HEMK2: variants seen among roughly 807,000 people sequenced by gnomAD.
HEMK2 encodes methyltransferase HEMK2.
the HEMK2 span, among the ~76,000 whole-genome samples, chr21:28,750,595 G>A: frequency 1.3e-5 from 2 of 151,610 alleles, no homozygotes; most frequent in African/African-American, 4.9e-5. Context: ...CAGCTACTCA[G>A]GAGGCTGAGG....
chr21:28,699,738 G>T, the HEMK2 span, among the ~76,000 whole-genome samples: 1 of 152,184 alleles, frequency 6.6e-6, no homozygotes, highest in Non-Finnish European at 1.5e-5. Flanking sequence ...GAAAAAGTTT[G>T]CAAGCACAAA....
chr21:28,690,918 T>C, the HEMK2 span, among the ~76,000 whole-genome samples: 11 of 152,168 alleles, frequency 7.2e-5, no homozygotes, highest in East Asian at 3.9e-4. Flanking sequence ...ATTTTGTTGA[T>C]TGATATTCAC....
chr21:28,853,303 C>T, the HEMK2 span, among the ~76,000 whole-genome samples: 1 of 152,184 alleles, frequency 6.6e-6, no homozygotes, highest in African/African-American at 2.4e-5. Flanking sequence ...GCTAACCAAG[C>T]AAATAAACTA....
chr21:28,822,294 T>C, the HEMK2 span, among the ~76,000 whole-genome samples: 1 of 152,178 alleles, frequency 6.6e-6, no homozygotes, highest in East Asian at 1.9e-4. Context: ...AATGATATCA[T>C]TCCAAATTGA....
the HEMK2 span, among the ~76,000 whole-genome samples, chr21:28,736,072 G>C: frequency 1.3e-5 from 2 of 152,214 alleles, no homozygotes; most frequent in Non-Finnish European, 2.9e-5. Context: ...CACATTACAA[G>C]GAGGGTAGAC....
the HEMK2 span, among the ~76,000 whole-genome samples, chr21:28,650,913 C>T: frequency 0.33 from 50,571 of 151,622 alleles, 9,661 homozygotes; most frequent in African/African-American, 0.52. Context: ...AATGGAGAGA[C>T]GACAAAAAAG....
chr21:28,780,494 A>T, the HEMK2 span, among the ~76,000 whole-genome samples: 1 of 139,284 alleles, frequency 7.2e-6, no homozygotes, highest in East Asian at 2.2e-4. Context: ...GGTATTTTTA[A>T]TAGAGACGGG....
chr21:28,591,535 G>A, the HEMK2 span, among the ~76,000 whole-genome samples: 14 of 152,288 alleles, frequency 9.2e-5, no homozygotes, highest in African/African-American at 1.9e-4. Flanking sequence ...AACAAGCTGC[G>A]TATCTAATAA....
At chr21:28,765,590 TGCCTTTTTGAAATACA>T in the HEMK2 span, among the ~76,000 whole-genome samples, 1 of 152,224 alleles carries the variant, frequency 6.6e-6, no homozygotes, top group Non-Finnish European at 1.5e-5. Flanking sequence ...GATTTGTCAT[TGCCTTTTTGAAATACA>T]GGCTACCAAA....
the HEMK2 span, among the ~76,000 whole-genome samples, chr21:28,688,592 A>G: frequency 6.6e-6 from 1 of 151,980 alleles, no homozygotes; most frequent in African/African-American, 2.4e-5. Context: ...GGTTCTCAAT[A>G]AATGTTGTTG....
the HEMK2 span, among the ~76,000 whole-genome samples, chr21:28,596,714 C>T: frequency 3.5e-4 from 53 of 152,046 alleles, no homozygotes; most frequent in Non-Finnish European, 7.1e-4. Context: ...TAGCTAGAGT[C>T]TGTAAAAGAT....
At chr21:28,646,395 C>G in the HEMK2 span, among the ~76,000 whole-genome samples, 1 of 152,194 alleles carries the variant, frequency 6.6e-6, no homozygotes, top group Non-Finnish European at 1.5e-5. Flanking sequence ...GAGGGGACAA[C>G]TGCCTCTTTC....
the HEMK2 span, among the ~76,000 whole-genome samples, chr21:28,698,184 A>G: frequency 2.0e-5 from 3 of 152,226 alleles, no homozygotes; most frequent in Admixed American, 6.5e-5. Flanking sequence ...GATTCAGACC[A>G]TAGCACATCA....
chr21:28,754,502 C>T, the HEMK2 span, among the ~76,000 whole-genome samples: 2 of 152,178 alleles, frequency 1.3e-5, no homozygotes, highest in African/African-American at 4.8e-5. Context: ...ATTCTGATGC[C>T]TTTTAGCATG....
the HEMK2 span, among the ~76,000 whole-genome samples, chr21:28,692,819 A>T: frequency 6.6e-6 from 1 of 152,186 alleles, no homozygotes; most frequent in African/African-American, 2.4e-5. Context: ...ATTATTCTAC[A>T]ATAAAATGGA....
the HEMK2 span, among the ~76,000 whole-genome samples, chr21:28,620,952 T>A: frequency 6.6e-6 from 1 of 152,022 alleles, no homozygotes; most frequent in Non-Finnish European, 1.5e-5. Context: ...GATACAGGCA[T>A]GAGCCACCGC....
chr21:28,785,302 C>T, the HEMK2 span, among the ~76,000 whole-genome samples: 1 of 152,188 alleles, frequency 6.6e-6, no homozygotes, highest in Non-Finnish European at 1.5e-5. Flanking sequence ...TTCAGATTTT[C>T]TGATTTCAAA....
the HEMK2 span, among the ~76,000 whole-genome samples, chr21:28,859,555 T>A: frequency 6.6e-6 from 1 of 152,226 alleles, no homozygotes; most frequent in Admixed American, 6.5e-5. Flanking sequence ...CAGCCATTCT[T>A]CTGCTCTTCT....
the HEMK2 span, among the ~76,000 whole-genome samples, chr21:28,652,278 T>C: frequency 6.6e-6 from 1 of 152,218 alleles, no homozygotes; most frequent in Admixed American, 6.5e-5. Flanking sequence ...ACTGGGGAAA[T>C]CCCGATTAGC....
Sources: gnomAD v4.1 joint callset for allele counts (sites outside exome capture counted in the v4.1 genomes callset) on GRCh38, gnomAD v4.1.1 for gene constraint, MANE v1.5 for transcripts, NCBI Gene and HGNC (gene_info 2026-07-23, HGNC 2026-07-21) for gene names.